Variants in PTPRG observed in about 807,000 individuals in gnomAD.
PTPRG encodes the protein protein tyrosine phosphatase receptor type G, also known as receptor-type tyrosine-protein phosphatase gamma.
PTPRG carries 102 observed loss-of-function variants against 165.3 expected under a neutral mutation model. That is an observed-to-expected ratio of 0.62 (90% CI 0.53 to 0.73). The LOEUF is 0.73. PTPRG is among the 30% of genes least tolerant of loss of function. PTPRG has a pLI of 0.00. For missense variants in PTPRG, 1,866 were observed against 1,861.4 expected (o/e 1.00, Z -0.05); for synonymous variants, 675 against 669.5 (o/e 1.01, Z -0.13).
chr3:61,877,573 T>A (rs1266091837), intron 2 of PTPRG, among the ~76,000 whole-genome samples: 1 of 152,224 alleles, frequency 6.6e-6, no homozygotes, highest in Non-Finnish European at 1.5e-5. Context: ...CTAAACAGAT[T>A]AAATCTCAAT....
chr3:61,835,188 C>T (rs186537596), intron 2 of PTPRG, among the ~76,000 whole-genome samples: 9 of 152,218 alleles, frequency 5.9e-5, no homozygotes, highest in African/African-American at 2.2e-4. Context: ...GGCTGCCTTC[C>T]TTTGGTCGTT....
chr3:61,957,166 T>C (rs1329644926), intron 2 of PTPRG, among the ~76,000 whole-genome samples: 2 of 152,208 alleles, frequency 1.3e-5, no homozygotes, highest in Non-Finnish European at 2.9e-5. Flanking sequence ...TAAATTAAAA[T>C]ATTGTCACAC....
intron 4 of PTPRG, among the ~76,000 whole-genome samples, chr3:62,050,498 T>C (rs536277474): frequency 2.0e-5 from 3 of 152,236 alleles, no homozygotes; most frequent in East Asian, 3.8e-4. Flanking sequence ...TCAGAACATA[T>C]CCCTGTTGTT....
At chr3:61,564,629 G>C (rs1699861912) in intron 1 of PTPRG, among the ~76,000 whole-genome samples, 1 of 152,246 alleles carries the variant, frequency 6.6e-6, no homozygotes, top group African/African-American at 2.4e-5. Flanking sequence ...GGGAGCAGCA[G>C]GCTTTGGAGC....
intron 28 of PTPRG, among the ~76,000 whole-genome samples, chr3:62,283,868 C>T (rs887832882): frequency 6.6e-6 from 1 of 152,030 alleles, no homozygotes; most frequent in Non-Finnish European, 1.5e-5. Context: ...AAATGTTGGC[C>T]TGACTCTTGA....
chr3:62,011,443 C>T (rs1235052166), intron 4 of PTPRG, among the ~76,000 whole-genome samples: 1 of 152,184 alleles, frequency 6.6e-6, no homozygotes, highest in East Asian at 1.9e-4. Flanking sequence ...TTTCTCTGTG[C>T]TGCCTCTTCA....
At chr3:62,080,397 A>G (rs1017048367) in intron 5 of PTPRG, among the ~76,000 whole-genome samples, 5 of 151,880 alleles carry the variant, frequency 3.3e-5, no homozygotes, top group Admixed American at 3.3e-4. Context: ...TTAAACTGTG[A>G]TTGGTTTGTG....
intron 1 of PTPRG, among the ~76,000 whole-genome samples, chr3:61,656,420 C>G (rs1479929088): frequency 6.6e-6 from 1 of 152,128 alleles, no homozygotes. Context: ...CTGACCGTTT[C>G]ATAAAATAAG....
At chr3:61,822,671 T>G (rs573450870) in intron 2 of PTPRG, among the ~76,000 whole-genome samples, 38 of 152,228 alleles carry the variant, frequency 2.5e-4, no homozygotes, top group Non-Finnish European at 5.3e-4. Flanking sequence ...AGATTTTCTT[T>G]CCAATTTAAG....
At chr3:62,008,095 C>T (rs907308026) in intron 4 of PTPRG, among the ~76,000 whole-genome samples, 113 of 152,286 alleles carry the variant, frequency 7.4e-4, no homozygotes, top group African/African-American at 2.6e-3. Context: ...CAGCTTCTAT[C>T]GTATCCTAAA....
intron 2 of PTPRG, among the ~76,000 whole-genome samples, chr3:61,934,053 A>G (rs1358915037): frequency 6.6e-6 from 1 of 152,150 alleles, no homozygotes. Context: ...TGCAGCTACA[A>G]TTTCCTCACT....
At chr3:62,267,128 A>G (rs975436066) in intron 17 of PTPRG, among the ~76,000 whole-genome samples, 1 of 152,076 alleles carries the variant, frequency 6.6e-6, no homozygotes, top group Admixed American at 6.6e-5. Flanking sequence ...ACTTGGCTTT[A>G]AAATACAGAA....
At chr3:61,793,050 A>G (rs1403569113) in intron 2 of PTPRG, among the ~76,000 whole-genome samples, 2 of 152,172 alleles carry the variant, frequency 1.3e-5, no homozygotes, top group Non-Finnish European at 2.9e-5. Flanking sequence ...CACAAGAAAT[A>G]TAAGATAGGA....
chr3:61,681,496 C>A (rs1167240941), intron 1 of PTPRG, among the ~76,000 whole-genome samples: 1 of 152,148 alleles, frequency 6.6e-6, no homozygotes, highest in Non-Finnish European at 1.5e-5. Flanking sequence ...CCTGCTAGGA[C>A]CAGCATGAAT....
chr3:62,089,653 G>A (rs573580093), intron 5 of PTPRG, among the ~76,000 whole-genome samples: 1 of 152,190 alleles, frequency 6.6e-6, no homozygotes, highest in Non-Finnish European at 1.5e-5. Flanking sequence ...TTTGGGGTCT[G>A]TTGGGAGCTA....
chr3:62,081,074 G>C (rs955209913), intron 5 of PTPRG, among the ~76,000 whole-genome samples: 1 of 151,688 alleles, frequency 6.6e-6, no homozygotes, highest in African/African-American at 2.4e-5. Context: ...TGGCTAACAC[G>C]GTGAAACCCC....
In PTPRG at chr3:62,210,791, A is replaced by G. The variant is rs890716768; in HGVS notation, c.2155+6841A>G. ...TGTTTTCTTCCTTAGGATTTTCTTTATAACATTTTTTTCTAGCTTACTTTA... is the reference window on the plus strand; with the variant it reads ...TGTTTTCTTCCTTAGGATTTTCTTTGTAACATTTTTTTCTAGCTTACTTTA... On this transcript the variant is annotated intron_variant, in intron 12 of 29. Transcript: ENST00000474889. The surrounding 1 kb of genome is among the most constrained non-coding windows in gnomAD (Gnocchi z 4.1). 6.6e-5 allele frequency among the ~76,000 whole-genome samples: 10 copies of G among 152,200 alleles called. No homozygotes were observed. The highest frequency in any genetic ancestry group is 2.4e-4 in the African/African-American group (10 of 41,438).
At chr3:61,681,602 G>C (rs1466031922) in intron 1 of PTPRG, among the ~76,000 whole-genome samples, 2 of 152,130 alleles carry the variant, frequency 1.3e-5, no homozygotes, top group South Asian at 2.1e-4. Flanking sequence ...CTCTGGGGTA[G>C]TTTTTATTCC....
intron 6 of PTPRG, among the ~76,000 whole-genome samples, chr3:62,141,262 G>C (rs892535881): frequency 1.3e-5 from 2 of 151,798 alleles, no homozygotes; most frequent in Non-Finnish European, 2.9e-5. Flanking sequence ...ATGAATCTAA[G>C]AGATTCCATT....
Sources: allele counts gnomAD v4.1 joint callset (sites outside exome capture counted in the v4.1 genomes callset), GRCh38; gene constraint gnomAD v4.1.1; non-coding constraint Gnocchi (gnomAD v3.1); transcripts MANE v1.5; gene names NCBI Gene and HGNC (gene_info 2026-07-23, HGNC 2026-07-21).